The following TRHDE variants were observed in gnomAD, a reference collection of about 807,000 sequenced individuals.
TRHDE encodes the protein thyrotropin-releasing hormone-degrading ectoenzyme.
Under a neutral mutation model 125.7 loss-of-function variants are expected in TRHDE, and 72 were observed. The observed-to-expected ratio is 0.57, with a 90% CI of 0.47 to 0.70. The LOEUF is 0.70. Ranked by LOEUF, TRHDE falls within the 30% of genes least tolerant of loss-of-function variation. The pLI is 0.00. For synonymous variants in TRHDE, 509 were observed against 509.1 expected (o/e 1.00, Z 0.00); for missense variants, 1,110 against 1,327.1 (o/e 0.84, Z 2.54).
In TRHDE at chr12:72,499,522, G is replaced by A. The variant is rs1592492166; in HGVS notation, c.1609G>A (p.Val537Ile). The change falls in exon 6 of 19, where the codon GTT (valine) becomes ATT (isoleucine). Residue 537 changes from valine (V) to isoleucine (I), a missense_variant. By Grantham distance (29) the Val-to-Ile change is conservative. Around this residue, in one of 5 missense-constraint regions of TRHDE, gnomAD observed 527 missense variants for 651.8 expected, o/e 0.81. Transcript: ENST00000261180. The stretch of plus-strand genomic sequence containing the variant: ...GGAAAAGCAGAGGTTTCTGACCGAT[G>A]TTCTGCATGAAGTGATGCTGCTGGA... ...NMEKQRFLTD[V>I]LHEVMLLDGL... 1 of 1,613,766 alleles carries A rather than the reference G, an allele frequency of 6.2e-7. No homozygotes were observed. Among genetic ancestry groups the A allele is most frequent in the Non-Finnish European group, 8.5e-7 (1 of 1,179,822 alleles).
At chr12:72,302,143 G>T (rs534143254) in intron 2 of TRHDE, among the ~76,000 whole-genome samples, 2 of 152,218 alleles carry the variant, frequency 1.3e-5, no homozygotes, top group Admixed American at 6.5e-5. Flanking sequence ...GTTTGTGGAA[G>T]AATTGCTTCC....
chr12:72,460,931 G>A (rs1251366620), intron 3 of TRHDE, among the ~76,000 whole-genome samples: 1 of 152,018 alleles, frequency 6.6e-6, no homozygotes, highest in Non-Finnish European at 1.5e-5. Flanking sequence ...AGGGAAAAAG[G>A]AAATCAAGCA....
upstream of TRHDE, among the ~76,000 whole-genome samples, chr12:72,267,588 A>G (rs888299302): frequency 1.3e-5 from 2 of 151,936 alleles, no homozygotes; most frequent in Admixed American, 6.6e-5. Flanking sequence ...TGAGGCTGCA[A>G]TGAGCTCTTA....
intron 2 of TRHDE, among the ~76,000 whole-genome samples, chr12:72,304,107 C>A (rs1868303949): frequency 6.6e-6 from 1 of 152,136 alleles, no homozygotes; most frequent in Admixed American, 6.6e-5. Flanking sequence ...TAGCTTCTAT[C>A]TGGTTCTACA....
intron 12 of TRHDE, among the ~76,000 whole-genome samples, chr12:72,612,753 T>A (rs1345460860): frequency 6.6e-6 from 1 of 152,222 alleles, no homozygotes; most frequent in African/African-American, 2.4e-5. Context: ...GATAGTTTTC[T>A]AAAAAGTAGT....
chr12:72,403,137 T>C (rs1873117255), intron 3 of TRHDE, among the ~76,000 whole-genome samples: 1 of 152,182 alleles, frequency 6.6e-6, no homozygotes, highest in Non-Finnish European at 1.5e-5. Context: ...CATGGGCCTC[T>C]CTCAGGAAGC....
chr12:72,126,284 A>G (rs1875711992), intron 2 of TRHDE, among the ~76,000 whole-genome samples: 1 of 152,224 alleles, frequency 6.6e-6, no homozygotes, highest in Non-Finnish European at 1.5e-5. Context: ...CTTACTGCCC[A>G]AAGCAATCTA....
At chr12:72,096,692 T>C (rs1217926043) in intron 1 of TRHDE, among the ~76,000 whole-genome samples, 1 of 152,206 alleles carries the variant, frequency 6.6e-6, no homozygotes, top group Non-Finnish European at 1.5e-5. Flanking sequence ...CTTTCACTCA[T>C]GAATAAAGAA....
intron 16 of TRHDE, 76 bp downstream of exon 16, chr12:72,652,565 T>C: frequency 1.7e-6 from 2 of 1,163,344 alleles, no homozygotes; most frequent in Non-Finnish European, 2.4e-6. Context: ...AAGTTGCTTT[T>C]ATTTACTTGA....
chr12:72,661,444 C>T (rs887675904), intron 18 of TRHDE, among the ~76,000 whole-genome samples: 32 of 151,712 alleles, frequency 2.1e-4, no homozygotes, highest in African/African-American at 7.5e-4. Context: ...AATTTTTTTC[C>T]GATTGACCTA....
In TRHDE at chr12:72,441,848, A is replaced by G. The variant is rs116203258; in HGVS notation, c.1316-27910A>G. 5.5e-3 allele frequency among the ~76,000 whole-genome samples: 843 copies of G among 152,026 alleles called. 3 individuals are homozygous for G. Among genetic ancestry groups the G allele is most frequent in the African/African-American group, 0.019 (771 of 41,516 alleles). On this transcript the variant is annotated intron_variant, in intron 3 of 18. Transcript: ENST00000261180. Reference sequence around the variant, plus strand: ...ATATTTCAGCGATAGTGCTTGAAATATAAAATAAATGAATAAGTTGATTTG... The same window carrying G: ...ATATTTCAGCGATAGTGCTTGAAATGTAAAATAAATGAATAAGTTGATTTG...
Position 72,556,827 on chromosome 12 carries a change from A to T in TRHDE, c.1789-5338A>T, listed in dbSNP as rs191315933. On this transcript the variant is annotated intron_variant, in intron 7 of 18. Transcript: ENST00000261180. ...ACTCTTGCTTCAGCCTTCTTGTCAC[A>T]TCTTCAGAAAAATCAGTGCTTGAAT... Among the ~76,000 whole-genome samples, 336 of 152,280 alleles carry T rather than the reference A, an allele frequency of 2.2e-3. 2 individuals carry two copies. Among genetic ancestry groups the T allele is most frequent in the African/African-American group, 7.6e-3 (314 of 41,570 alleles).
chr12:72,121,711 C>G (rs1268128010), intron 2 of TRHDE, among the ~76,000 whole-genome samples: 1 of 144,588 alleles, frequency 6.9e-6, no homozygotes. Flanking sequence ...TTGGTATTTA[C>G]GAAGGTGCCT....
At chr12:72,178,502 A>C (rs1877033917) in intron 2 of TRHDE, among the ~76,000 whole-genome samples, 1 of 152,112 alleles carries the variant, frequency 6.6e-6, no homozygotes, top group Admixed American at 6.6e-5. Flanking sequence ...CTAAGCTGAT[A>C]ACTGTTTTAC....
intron 3 of TRHDE, among the ~76,000 whole-genome samples, chr12:72,399,716 C>T (rs757483758): frequency 2.0e-5 from 3 of 151,950 alleles, no homozygotes; most frequent in Non-Finnish European, 4.4e-5. Flanking sequence ...ATGATTTCTG[C>T]ATGTTTAGTT....
chr12:72,636,004 A>G (rs1481434069), intron 15 of TRHDE, among the ~76,000 whole-genome samples: 1 of 150,646 alleles, frequency 6.6e-6, no homozygotes, highest in Non-Finnish European at 1.5e-5. Flanking sequence ...TTGGTTCCAT[A>G]TGAACTTTAA....
intron 6 of TRHDE, among the ~76,000 whole-genome samples, chr12:72,506,318 C>T (rs1450244301): frequency 6.6e-6 from 1 of 151,876 alleles, no homozygotes; most frequent in Admixed American, 6.6e-5. Flanking sequence ...TTCAAACAAA[C>T]AAACAAACAA....
chr12:72,586,792 T>C (rs1186000717), intron 12 of TRHDE, among the ~76,000 whole-genome samples: 1 of 101,490 alleles, frequency 9.9e-6, no homozygotes, highest in Non-Finnish European at 1.9e-5. Flanking sequence ...CTAACCAAAA[T>C]GAAAAAAAAA....
intron 1 of TRHDE, among the ~76,000 whole-genome samples, chr12:72,276,841 C>A (rs1415265118): frequency 6.6e-6 from 1 of 152,130 alleles, no homozygotes; most frequent in Admixed American, 6.5e-5. Flanking sequence ...ACTAGGTGTG[C>A]AGCAGGCAGA....
Sources: gnomAD v4.1 joint callset for allele counts (sites outside exome capture counted in the v4.1 genomes callset) on GRCh38, gnomAD v4.1.1 for gene constraint, gnomAD v4.1.1 regional missense constraint, MANE v1.5 for transcripts, NCBI Gene and HGNC (gene_info 2026-07-23, HGNC 2026-07-21) for gene names.